The following ANKRD45 variants were observed in gnomAD, a reference collection of about 807,000 sequenced individuals.
ANKRD45 encodes the protein ankyrin repeat domain-containing protein 45.
ANKRD45 carries 21 observed loss-of-function variants against 28.1 expected under a neutral mutation model. The observed-to-expected ratio is 0.75, with a 90% CI of 0.53 to 1.08. ANKRD45 has a LOEUF of 1.08. ANKRD45 is among the 50% of genes least tolerant of loss of function. The probability of loss-of-function intolerance (pLI) is 0.00; values close to 1 mark genes in which losing one functional copy is unlikely to be tolerated. For missense variants in ANKRD45, 261 were observed against 308.7 expected, an observed-to-expected ratio of 0.85 and a Z score of 1.16; for synonymous variants, 86 against 103.9, an observed-to-expected ratio of 0.83 and a Z score of 1.05.
At chr1:173,659,030 T>C (rs757535407) in intron 2 of ANKRD45, 61 bp downstream of exon 2, 17 of 1,563,160 alleles carry the variant, frequency 1.1e-5, no homozygotes, top group Non-Finnish European at 1.4e-5. Context: ...ACCTTAAAGA[T>C]ATTACATTGC....
intron 3 of ANKRD45, chr1:173,635,191 C>A (rs1426203723): frequency 5.3e-6 from 1 of 188,090 alleles, no homozygotes; most frequent in East Asian, 1.3e-4. Flanking sequence ...ACAACAACAA[C>A]AAAAAAGTAT....
chr1:173,661,406 A>G (rs1000716098), intron 1 of ANKRD45, among the ~76,000 whole-genome samples: 16 of 152,210 alleles, frequency 1.1e-4, no homozygotes, highest in African/African-American at 3.9e-4. Context: ...ATGTTGGCCA[A>G]TTTGGTTAAG....
At chr1:173,672,474 A>T (rs960022534), upstream of ANKRD45, among the ~76,000 whole-genome samples, 1 of 152,236 alleles carries the variant, frequency 6.6e-6, no homozygotes, top group Non-Finnish European at 1.5e-5. Flanking sequence ...TCTGTTTTTC[A>T]TTAATCTTCA....
intron 3 of ANKRD45, among the ~76,000 whole-genome samples, chr1:173,640,509 T>C (rs533117539): frequency 2.6e-5 from 4 of 152,338 alleles, no homozygotes; most frequent in Non-Finnish European, 5.9e-5. Context: ...CCTACCAAGT[T>C]GAAGTTAAAG....
chr1:173,686,932 CT>C, the ANKRD45 span, among the ~76,000 whole-genome samples: 1 of 152,040 alleles, frequency 6.6e-6, no homozygotes, highest in Admixed American at 6.6e-5. Context: ...TTTTTATAGA[CT>C]TTTTTTAACC....
intron 3 of ANKRD45, among the ~76,000 whole-genome samples, chr1:173,632,172 A>G (rs1668225896): frequency 6.6e-6 from 1 of 152,042 alleles, no homozygotes; most frequent in Non-Finnish European, 1.5e-5. Flanking sequence ...AACCAATTCC[A>G]CAGAAATTCA....
intron 3 of ANKRD45, among the ~76,000 whole-genome samples, chr1:173,643,433 AGTCCCGG>A (rs1242091006): frequency 1.3e-5 from 2 of 152,086 alleles, no homozygotes; most frequent in East Asian, 3.9e-4. Flanking sequence ...GGTCTCCCAA[AGTCCCGG>A]GATTACAGGT....
chr1:173,651,783 T>A (rs1012022979), intron 2 of ANKRD45, among the ~76,000 whole-genome samples: 6 of 152,224 alleles, frequency 3.9e-5, no homozygotes, highest in Non-Finnish European at 2.9e-5. Flanking sequence ...AGCAGTGGTT[T>A]GTAGTTCTCC....
intron 5 of ANKRD45, among the ~76,000 whole-genome samples, chr1:173,618,152 C>T (rs1201764889): frequency 6.6e-6 from 1 of 152,152 alleles, no homozygotes; most frequent in Non-Finnish European, 1.5e-5. Flanking sequence ...AGGTCAGCAA[C>T]CTCAAAACTC....
Position 173,609,265 on chromosome 1 carries a change from A to G in ANKRD45, c.*880T>C, listed in dbSNP as rs1459922613. On this transcript the variant is annotated 3_prime_UTR_variant, in exon 6 of 6. Coordinates refer to ENST00000333279, the MANE Select transcript of ANKRD45 (RefSeq NM_198493.3). The stretch of plus-strand genomic sequence containing the variant: ...TTACCCATTCCTTTTCCTTCTCCCC[A>G]TAAGGGAAAACTAGCTTTCAGAACA... Among the ~76,000 whole-genome samples, 1 of 152,238 alleles carries G rather than the reference A, an allele frequency of 6.6e-6. No homozygotes were observed. The highest frequency in any genetic ancestry group is 2.4e-5 in the African/African-American group (1 of 41,472).
At chr1:173,643,494 C>T (rs1291034045) in intron 3 of ANKRD45, among the ~76,000 whole-genome samples, 1 of 152,002 alleles carries the variant, frequency 6.6e-6, no homozygotes, top group Non-Finnish European at 1.5e-5. Flanking sequence ...TTTATAACCA[C>T]AGGAAGACTT....
intron 3 of ANKRD45, chr1:173,635,579 G>C (rs745809316): frequency 1.3e-6 from 2 of 1,535,216 alleles, no homozygotes; most frequent in South Asian, 2.4e-5. Flanking sequence ...CTTCTTCGGG[G>C]AGAGTTTCTG....
chr1:173,688,972 C>G, the ANKRD45 span, among the ~76,000 whole-genome samples: 1 of 152,080 alleles, frequency 6.6e-6, no homozygotes, highest in Non-Finnish European at 1.5e-5. Flanking sequence ...GGGGAACAAA[C>G]AGAGGAGCAA....
chr1:173,631,310 C>T (rs1668187042), intron 3 of ANKRD45, among the ~76,000 whole-genome samples: 1 of 152,020 alleles, frequency 6.6e-6, no homozygotes, highest in African/African-American at 2.4e-5. Flanking sequence ...CGCTGGAGCA[C>T]CCAGATATTT....
At chr1:173,621,439 A>T (rs1357056388) in intron 5 of ANKRD45, among the ~76,000 whole-genome samples, 1 of 152,224 alleles carries the variant, frequency 6.6e-6, no homozygotes, top group African/African-American at 2.4e-5. Flanking sequence ...CCAGCAGCAC[A>T]TCAAAAAGTT....
In ANKRD45 at chr1:173,650,761, T is replaced by C. The variant is rs527524460; in HGVS notation, c.329-3748A>G. ...TCCACATCCTCTCCAGTACCTGTTG[T>C]TTCCTAACTTTTTAATCATCACCAT... On this transcript the variant is annotated intron_variant, in intron 2 of 5. Transcript: ENST00000333279. Among the ~76,000 whole-genome samples the C allele has an allele frequency of 5.9e-5, 9 of 152,336 alleles. No individual in the cohort carries two copies. The East Asian group carries it at 1.7e-3, about 29-fold the overall frequency.
At chr1:173,647,635 C>CACTGT (rs1668996886) in intron 2 of ANKRD45, among the ~76,000 whole-genome samples, 1 of 152,072 alleles carries the variant, frequency 6.6e-6, no homozygotes, top group East Asian at 1.9e-4. Flanking sequence ...AATTAAAGAT[C>CACTGT]ACTGTTTGAA....
At chr1:173,652,797 G>GA (rs201592713) in intron 2 of ANKRD45, among the ~76,000 whole-genome samples, 25,477 of 151,676 alleles carry the variant, frequency 0.17, 7,141 homozygotes, top group African/African-American at 0.58. Flanking sequence ...CTATTCAGCA[G>GA]TTCAACTTCT....
the ANKRD45 span, among the ~76,000 whole-genome samples, chr1:173,703,935 G>C: frequency 6.6e-6 from 1 of 152,256 alleles, no homozygotes; most frequent in Non-Finnish European, 1.5e-5. Flanking sequence ...ATAGATTTCA[G>C]TTGTTAAAGC....
Sources: allele counts gnomAD v4.1 joint callset (sites outside exome capture counted in the v4.1 genomes callset), GRCh38; gene constraint gnomAD v4.1.1; transcripts MANE v1.5; gene names NCBI Gene and HGNC (gene_info 2026-07-23, HGNC 2026-07-21).